Variants in SPTBN5 observed in about 807,000 individuals in gnomAD.
SPTBN5 encodes the protein spectrin beta chain, non-erythrocytic 5.
In SPTBN5, 513 loss-of-function variants were observed where a neutral mutation model predicts 477.6. The observed-to-expected ratio is 1.07, with a 90% CI of 1.00 to 1.16. The LOEUF (loss-of-function observed/expected upper bound fraction) is 1.16. Ranked by LOEUF, SPTBN5 falls within the 50% of genes most tolerant of loss-of-function variation. SPTBN5 has a pLI of 0.00. For missense variants in SPTBN5, 5,062 were observed against 4,731.8 expected, an observed-to-expected ratio of 1.07 and a Z score of -2.05; for synonymous variants, 2,169 against 2,011.7, an observed-to-expected ratio of 1.08 and a Z score of -2.09.
chr15:41,857,840 T>G, intron 49 of SPTBN5, 130 bp from the exon 50 acceptor site: 2 of 1,109,262 alleles, frequency 1.8e-6, no homozygotes, highest in Non-Finnish European at 2.5e-6. Context: ...TTGAGCAACT[T>G]TCTTTACCTA....
At chr15:41,855,769 CG>C in intron 53 of SPTBN5, 24 bp from the exon 54 acceptor site, 1 of 1,538,134 alleles carries the variant, frequency 6.5e-7, no homozygotes, top group Non-Finnish European at 8.7e-7. Flanking sequence ...AGTGGAGATC[CG>C]TTTTCCCGGG....
intron 61 of SPTBN5, 48 bp from the exon 62 acceptor site, chr15:41,852,364 A>G (rs898176221): frequency 3.3e-6 from 5 of 1,514,656 alleles, no homozygotes; most frequent in Non-Finnish European, 2.7e-6. Context: ...CAGGGAGACC[A>G]GCCACACCTC....
At chr15:41,851,589 G>GGGT (rs3034943) in intron 63 of SPTBN5, among the ~76,000 whole-genome samples, 190 bp downstream of exon 63, 15 of 149,246 alleles carry the variant, frequency 1.0e-4, no homozygotes, top group Admixed American at 1.0e-3. Context: ...CCTGGTGGGG[G>GGGT]TGGGTAGGTG....
At chr15:41,871,759 C>A in intron 28 of SPTBN5, 23 bp downstream of exon 28, 1 of 1,543,098 alleles carries the variant, frequency 6.5e-7, no homozygotes, top group African/African-American at 1.4e-5. Flanking sequence ...GGGCACCCTC[C>A]TTGACCCTGG....
intron 18 of SPTBN5, 56 bp downstream of exon 18, chr15:41,877,060 T>A (rs1186964699): frequency 1.9e-6 from 3 of 1,601,212 alleles, no homozygotes. Flanking sequence ...CTCAAGGGGA[T>A]GAGCTCCCTC....
chr15:41,849,138 C>T (rs2065659647), intron 67 of SPTBN5, among the ~76,000 whole-genome samples: 1 of 152,234 alleles, frequency 6.6e-6, no homozygotes, highest in South Asian at 2.1e-4. Flanking sequence ...TGCCTGTCTC[C>T]AGTCCCTCCT....
chr15:41,885,726 G>T lies in SPTBN5; in HGVS notation c.1520+9C>A. ...CAGCTGTGGGGAGAGTTCATGTGCTGGGGCTCACCTGCGGGCCACATCTGC... is the reference window on the plus strand; with the variant it reads ...CAGCTGTGGGGAGAGTTCATGTGCTTGGGCTCACCTGCGGGCCACATCTGC... On this transcript the variant is annotated intron_variant, in intron 7 of 67. Transcript: ENST00000320955. 6.5e-7 allele frequency: 1 copy of T among 1,549,970 alleles called. No individual in the cohort carries two copies.
At chr15:41,862,711 C>A in intron 42 of SPTBN5, 51 bp from the exon 43 acceptor site, 1 of 1,539,940 alleles carries the variant, frequency 6.5e-7, no homozygotes, top group Non-Finnish European at 8.7e-7. Context: ...TCTGGGCCAC[C>A]CAAGCCCCTC....
chr15:41,891,775 C>G (rs951166825), intron 3 of SPTBN5, among the ~76,000 whole-genome samples: 1 of 152,206 alleles, frequency 6.6e-6, no homozygotes, highest in Non-Finnish European at 1.5e-5. Flanking sequence ...TAAGCGAATG[C>G]ATCCCTCATT....
In SPTBN5 at chr15:41,882,285, G is replaced by T. The variant is rs920910314; in HGVS notation, c.2231C>A (p.Ala744Asp). ...VVGRGARLQT[A>D]LLVLQYFADA... ...CCCCACTACCTGCAGGACCAGCAGG[G>T]CTGTCTGCAGCCGTGCGCCCCGCCC... Residue 744 changes from alanine to aspartate, a missense_variant, in exon 11 of 68, where the codon GCC becomes GAC. Physicochemically the swap from Ala to Asp is moderately radical, Grantham distance 126 (BLOSUM62 -2). Transcript: ENST00000320955. 24 of 1,488,780 alleles carry T rather than the reference G, an allele frequency of 1.6e-5. No homozygotes were observed. The highest frequency in any genetic ancestry group is 2.0e-5 in the Non-Finnish European group (22 of 1,118,218). The allele number at this position is 1,488,780 out of a possible 1,614,324, so 92.2% of individuals were successfully genotyped here. A position where few individuals can be genotyped will look rare whatever the true frequency, so the allele number is the denominator to read the frequency against.
At position 41,893,381 on chromosome 15, in the gene SPTBN5, C is replaced by G; in HGVS notation, c.117G>C (p.Gln39His). 1.2e-6 allele frequency: 2 copies of G among 1,613,902 alleles called. No individual in the cohort carries two copies. The highest frequency in any genetic ancestry group is 1.7e-6 in the Non-Finnish European group (2 of 1,179,884). The change falls in exon 2 of 68, where the codon CAG becomes CAC. Residue 39 changes from glutamine to histidine, a missense_variant. Transcript: ENST00000320955. ...GCTTGCGAATGTGGCCCGTCTCGTA[C>G]TGAGAGTCCATGGTGAGACTTGGAC... The part of the protein sequence containing the change: ...PPSPSLTMDS[Q>H]YETGHIRKLQ...
Position 41,868,478 on chromosome 15 carries a change from C to A in SPTBN5, c.5977G>T (p.Glu1993Ter). The A allele has an allele frequency of 6.2e-7, 1 of 1,611,482 alleles. No individual in the cohort carries two copies. The highest frequency in any genetic ancestry group is 8.5e-7 in the Non-Finnish European group (1 of 1,179,406). Residue 1993 changes from glutamate (E) to a stop codon, truncating the protein, a stop_gained, in exon 33 of 68, where the codon GAG becomes TAG. Coordinates refer to ENST00000320955, the MANE Select transcript of SPTBN5 (RefSeq NM_016642.4). LOFTEE classifies it high-confidence loss of function. ...TGCTGCCACAGCTTCTCCCGGGCCT[C>A]CAGCTCCGCCCGGAGCCACTGGTGG... ...SAHQWLRAEL[E>*]AREKLWQQAT...
At chr15:41,891,234 T>C (rs1010640) in intron 3 of SPTBN5, among the ~76,000 whole-genome samples, 12,049 of 152,310 alleles carry the variant, frequency 0.079, 660 homozygotes, top group Admixed American at 0.17. Context: ...CAGTAAGTAC[T>C]GAATGGAGAA....
At chr15:41,853,182 T>C (rs951090859) in intron 59 of SPTBN5, 76 bp downstream of exon 59, 26 of 1,522,700 alleles carry the variant, frequency 1.7e-5, no homozygotes, top group Non-Finnish European at 2.3e-5. Flanking sequence ...TTTCCATGCC[T>C]GTGAGGGGCC....
chr15:41,853,813 C>T, intron 57 of SPTBN5, 26 bp from the exon 58 acceptor site: 2 of 1,531,140 alleles, frequency 1.3e-6, no homozygotes, highest in Non-Finnish European at 1.8e-6. Context: ...GAGATCAGGC[C>T]TCAGTCCCCC....
At position 41,874,342 on chromosome 15, in the gene SPTBN5, T is replaced by A. The variant is rs193136669; in HGVS notation, c.4639A>T (p.Ser1547Cys). Residue 1547 changes from serine to cysteine, a missense_variant, in exon 24 of 68, where the codon AGC becomes TGC. Ser to Cys is a moderately radical substitution (Grantham distance 112). Coordinates refer to ENST00000320955, the MANE Select transcript of SPTBN5 (RefSeq NM_016642.4). ...GCACCATTCAAGCACTCGGTATAGC[T>A]GGTGGGGCTGCCATGGGGCATGTGC... ...AEHMPHGSPT[S>C]YTECLNGAQS... is the part of the protein sequence containing the mutation. 1.9e-6 allele frequency: 3 copies of A among 1,613,856 alleles called. No homozygotes were observed. In the East Asian group the frequency reaches 6.7e-5, roughly 36 times the overall value.
Position 41,879,485 on chromosome 15 carries a change from T to C in SPTBN5, c.2957A>G (p.Glu986Gly). Residue 986 changes from glutamate (E) to glycine (G), a missense_variant, in exon 16 of 68, where the codon GAG becomes GGG. Glu to Gly is a moderately conservative substitution (Grantham distance 98). Transcript: ENST00000320955. ...EELSQRWGQL[E>G]ALKREKAVQL... is the part of the protein sequence containing the mutation. Reference sequence around the variant, plus strand: ...CACGGCCTTCTCCCTCTTCAGGGCCTCCAGCTGCCCCCACCTGGGCAGAGG... The same window carrying C: ...CACGGCCTTCTCCCTCTTCAGGGCCCCCAGCTGCCCCCACCTGGGCAGAGG... 1 of 1,572,230 alleles carries C rather than the reference T, an allele frequency of 6.4e-7. No homozygotes were observed. The highest frequency in any genetic ancestry group is 8.6e-7 in the Non-Finnish European group (1 of 1,161,486).
rs1005025768 is a variant in SPTBN5 at position 41,876,539 on chromosome 15, G to T, written c.3951+9C>A. 2 of 1,584,932 alleles carry T rather than the reference G, an allele frequency of 1.3e-6. No individual in the cohort carries two copies. The highest frequency in any genetic ancestry group is 8.6e-7 in the Non-Finnish European group (1 of 1,165,714). On this transcript the variant is annotated intron_variant, in intron 20 of 67. Coordinates refer to ENST00000320955, the MANE Select transcript of SPTBN5 (RefSeq NM_016642.4). ...GGAGGCGTCATGCGACCTGGGCCCA[G>T]ACCCTCACCTGGAGCTGGAGGGAAG...
chr15:41,877,258 C>T lies in SPTBN5; in HGVS notation c.3569G>A (p.Gly1190Asp). ...CTCCCACAAAACCTTCAGCTCCTGG[C>T]CCTGCTGCCCCAGGACCCTCAGAGT... is the stretch of plus-strand genomic sequence containing the variant. The part of the protein sequence containing the change: ...PNTLRVLGQQ[G>D]QELKVLWEQR... The change falls in exon 18 of 68, where the codon GGC (glycine) becomes GAC (aspartate). Residue 1190 changes from glycine to aspartate, a missense_variant. Transcript: ENST00000320955. 1.2e-6 allele frequency: 2 copies of T among 1,613,962 alleles called. No individual in the cohort carries two copies. Among genetic ancestry groups the T allele is most frequent in the Non-Finnish European group, 1.7e-6 (2 of 1,179,894 alleles).
Sources: gnomAD v4.1 joint callset for allele counts (sites outside exome capture counted in the v4.1 genomes callset) on GRCh38, gnomAD v4.1.1 for gene constraint, MANE v1.5 for transcripts, NCBI Gene and HGNC (gene_info 2026-07-23, HGNC 2026-07-21) for gene names.